ZNF385A: variants seen among roughly 807,000 people sequenced by gnomAD.
The protein encoded by ZNF385A is hematopoietic zinc finger protein.
In ZNF385A, 14 loss-of-function variants were observed where a neutral mutation model predicts 32.1. The ratio of observed to expected loss-of-function variants is 0.44; its 90% CI spans 0.29 to 0.68. The LOEUF is 0.68. ZNF385A is among the 30% of genes least tolerant of loss of function. The probability of loss-of-function intolerance (pLI) is 0.14; values close to 1 mark genes in which losing one functional copy is unlikely to be tolerated. For missense variants in ZNF385A, 406 were observed against 478.4 expected (o/e 0.85, Z 1.41); for synonymous variants, 197 against 202.7 (o/e 0.97, Z 0.24).
intron 1 of ZNF385A, 127 bp downstream of exon 1, chr12:54,384,301 G>T: frequency 8.5e-7 from 1 of 1,177,386 alleles, no homozygotes; most frequent in Non-Finnish European, 1.2e-6. Context: ...AAATTAACTA[G>T]AATTAAGGAA....
At position 54,384,660 on chromosome 12, in the gene ZNF385A, C is replaced by T. The variant is rs906576494; in HGVS notation, c.-146G>A. ...TCCCACTCCCTAGCCAGGGCCCCCA[C>T]ACTCAGAAGTGTCACCCTCAGTGCA... On this transcript the variant is annotated 5_prime_UTR_variant, in exon 1 of 7. In the 5' UTR this introduces an upstream ATG that the reference lacks. Coordinates refer to ENST00000394313, the MANE Select transcript of ZNF385A (RefSeq NM_015481.3). 1 of 1,414,262 alleles carries T rather than the reference C, an allele frequency of 7.1e-7. No individual in the cohort carries two copies. The highest frequency in any genetic ancestry group is 9.2e-7 in the Non-Finnish European group (1 of 1,089,004). 87.6% of individuals were successfully genotyped at this position (1,414,262 alleles called of 1,614,324 possible).
In ZNF385A at chr12:54,378,419, C is replaced by T. The variant is rs140388859; in HGVS notation, c.88-2465G>A. 3.3e-5 allele frequency among the ~76,000 whole-genome samples: 5 copies of T among 152,286 alleles called. No homozygotes were observed. In the East Asian group the frequency reaches 9.7e-4, roughly 29 times the overall value. ...AAACAGTCCCCTCCCACCTGCCCTC[C>T]AACAGTAGACATGAAGGGGAACCGC... On this transcript the variant is annotated intron_variant, in intron 1 of 6. Transcript: ENST00000394313.
chr12:54,383,759 G>A (rs1008145865), intron 1 of ZNF385A, among the ~76,000 whole-genome samples: 1 of 152,226 alleles, frequency 6.6e-6, no homozygotes, highest in Non-Finnish European at 1.5e-5. Flanking sequence ...GCCCGGTGTG[G>A]TGGCACACGC....
chr12:54,373,450 C>G (rs1166401998), intron 3 of ZNF385A, among the ~76,000 whole-genome samples: 2 of 148,404 alleles, frequency 1.3e-5, no homozygotes, highest in Admixed American at 1.4e-4. Context: ...GAAAAGACCT[C>G]AAAGATCTTA....
At chr12:54,385,527 G>C (rs909636231), upstream of ZNF385A, 1 of 605,522 alleles carries the variant, frequency 1.7e-6, no homozygotes, top group East Asian at 1.4e-4. Context: ...CACTGCTCCA[G>C]TAACCCCCTG....
In ZNF385A at chr12:54,371,013, C is replaced by T. The variant is rs371034535; in HGVS notation, c.688G>A (p.Gly230Arg). ...AYPRLGPPTPGEPEAPAQDRT... is the reference protein window; with the variant it reads ...AYPRLGPPTPREPEAPAQDRT... ...TCCTGGGCAGGAGCCTCTGGTTCCCCCGGGGTGGGAGGCCCCAGCCGAGGG... is the reference window on the plus strand; with the variant it reads ...TCCTGGGCAGGAGCCTCTGGTTCCCTCGGGGTGGGAGGCCCCAGCCGAGGG... Residue 230 changes from glycine to arginine, a missense_variant, in exon 5 of 7, where the codon GGG (glycine) becomes AGG (arginine). Transcript: ENST00000394313. The T allele has an allele frequency of 9.3e-6, 15 of 1,614,080 alleles. No individual in the cohort carries two copies. Among genetic ancestry groups the T allele is most frequent in the Non-Finnish European group, 1.1e-5 (13 of 1,180,014 alleles).
At chr12:54,391,081 C>T (rs1302643196) in intron 1 of ZNF385A, among the ~76,000 whole-genome samples, 1 of 152,060 alleles carries the variant, frequency 6.6e-6, no homozygotes, top group Non-Finnish European at 1.5e-5. Flanking sequence ...AAGAGGGGAC[C>T]CCAGATGTGG....
At chr12:54,384,859 C>G (rs921415886), upstream of ZNF385A, 2 of 1,140,982 alleles carry the variant, frequency 1.8e-6, no homozygotes, top group Non-Finnish European at 2.1e-6. Context: ...GAGCTCATAC[C>G]TTTTCTGCAG....
Position 54,370,195 on chromosome 12 carries a change from C to T in ZNF385A, c.*61G>A. ...GCCGGGAGGAGGGGCGGGCTGGGAG[C>T]CCGGACGCCTGGGTCCCGGCTGGAG... is the stretch of plus-strand genomic sequence containing the variant. On this transcript the variant is annotated 3_prime_UTR_variant, in exon 7 of 7. Transcript: ENST00000394313. The surrounding 1 kb of genome is among the most constrained non-coding windows in gnomAD (Gnocchi z 5.5). The T allele has an allele frequency of 3.0e-6, 4 of 1,312,290 alleles. No individual in the cohort carries two copies. The highest frequency in any genetic ancestry group is 1.7e-5 in the South Asian group (1 of 57,700). 81.3% of individuals were successfully genotyped at this position (1,312,290 alleles called of 1,614,324 possible).
upstream of ZNF385A, among the ~76,000 whole-genome samples, chr12:54,388,044 TAA>T (rs1491153327): frequency 2.4e-4 from 33 of 135,892 alleles, no homozygotes; most frequent in African/African-American, 9.4e-4. Flanking sequence ...GAAGTGTGTG[TAA>T]GTGTGTGTGT....
chr12:54,384,383 G>C (rs779226772), intron 1 of ZNF385A, 45 bp downstream of exon 1: 1 of 1,536,370 alleles, frequency 6.5e-7, no homozygotes, highest in African/African-American at 1.4e-5. Context: ...AGAGAGAAAG[G>C]TCGGGTCACA....
At chr12:54,376,481 C>T (rs771559577) in intron 1 of ZNF385A, among the ~76,000 whole-genome samples, 5 of 152,186 alleles carry the variant, frequency 3.3e-5, no homozygotes, top group Non-Finnish European at 4.4e-5. Context: ...GATCCCTGGT[C>T]GCCCTAACAC....
intron 3 of ZNF385A, among the ~76,000 whole-genome samples, chr12:54,373,580 C>T (rs1954674729): frequency 6.6e-6 from 1 of 152,184 alleles, no homozygotes; most frequent in Admixed American, 6.5e-5. Context: ...TCTCTGTCTT[C>T]CCCGAGGGGA....
chr12:54,370,517 G>A lies in ZNF385A; in HGVS notation c.871-31C>T, dbSNP rs1347826100. 1 of 1,550,720 alleles carries A rather than the reference G, an allele frequency of 6.4e-7. No homozygotes were observed. The highest frequency in any genetic ancestry group is 8.7e-7 in the Non-Finnish European group (1 of 1,146,550). The stretch of plus-strand genomic sequence containing the variant: ...GCGGGCGAAAGGCGGAGGAAGAGAA[G>A]TCACCCGGCGGTCCTGCAAACCCCA... On this transcript the variant is annotated intron_variant, in intron 6 of 6. Coordinates refer to ENST00000394313, the MANE Select transcript of ZNF385A (RefSeq NM_015481.3). This position sits in a 1 kb window ranked among gnomAD's most constrained non-coding sequence, Gnocchi z 5.5.
At chr12:54,371,354 G>A in intron 4 of ZNF385A, 119 bp downstream of exon 4, 1 of 1,360,266 alleles carries the variant, frequency 7.4e-7, no homozygotes, top group South Asian at 1.4e-5. Flanking sequence ...AAGGAGACAG[G>A]CAGATAGGCT....
chr12:54,387,906 A>G (rs1312567287), upstream of ZNF385A, among the ~76,000 whole-genome samples: 2 of 151,442 alleles, frequency 1.3e-5, no homozygotes, highest in East Asian at 3.9e-4. Flanking sequence ...CTGGAAGGGG[A>G]GGAGGGGAAA....
At chr12:54,381,824 C>T (rs1436208183) in intron 1 of ZNF385A, among the ~76,000 whole-genome samples, 1 of 152,198 alleles carries the variant, frequency 6.6e-6, no homozygotes, top group Non-Finnish European at 1.5e-5. Flanking sequence ...TTCTGCCTAA[C>T]TCTGGTTGGT....
At chr12:54,385,295 G>A (rs946561684), upstream of ZNF385A, 1 of 152,214 alleles carries the variant, frequency 6.6e-6, no homozygotes, top group Non-Finnish European at 1.5e-5. Context: ...CCTATGGGCG[G>A]GGAATGCCTG....
At chr12:54,391,142 A>G (rs1225356682) in intron 1 of ZNF385A, 2 of 1,350,152 alleles carry the variant, frequency 1.5e-6, no homozygotes, top group Middle Eastern at 2.5e-4. Context: ...GGCCGCAGTC[A>G]CCGCGGTGCC....
Sources: gnomAD v4.1 joint callset for allele counts (sites outside exome capture counted in the v4.1 genomes callset) on GRCh38, gnomAD v4.1.1 for gene constraint, Gnocchi (gnomAD v3.1) non-coding constraint, MANE v1.5 for transcripts, NCBI Gene and HGNC (gene_info 2026-07-23, HGNC 2026-07-21) for gene names.